FAM135B: variants seen among roughly 807,000 people sequenced by gnomAD.
The protein encoded by FAM135B is family with sequence similarity 135 member B, also known as protein FAM135B.
A neutral mutation model predicts 127.7 loss-of-function variants in FAM135B; 43 were observed. That is an observed-to-expected ratio of 0.34 (90% CI 0.26 to 0.43). The LOEUF (loss-of-function observed/expected upper bound fraction) is 0.43. FAM135B is among the 20% of genes least tolerant of loss of function. FAM135B has a pLI of 1.00. For missense variants in FAM135B, 1,558 were observed against 1,725.6 expected (o/e 0.90, Z 1.72); for synonymous variants, 670 against 665.1 (o/e 1.01, Z -0.11).
At chr8:138,410,372 C>T (rs979194538) in intron 1 of FAM135B, among the ~76,000 whole-genome samples, 2 of 152,150 alleles carry the variant, frequency 1.3e-5, no homozygotes, top group African/African-American at 4.8e-5. Context: ...TGGCTTCTAC[C>T]TTGCTTGATC....
At chr8:138,472,446 T>G (rs1466645847) in intron 1 of FAM135B, among the ~76,000 whole-genome samples, 2 of 152,150 alleles carry the variant, frequency 1.3e-5, no homozygotes, top group East Asian at 1.9e-4. Context: ...AGGGAGATTA[T>G]GTAGGGACAG....
intron 1 of FAM135B, among the ~76,000 whole-genome samples, chr8:138,410,061 G>A (rs1361886606): frequency 6.6e-6 from 1 of 152,062 alleles, no homozygotes. Flanking sequence ...TTATACTGCT[G>A]GTGAGAGTGA....
intron 1 of FAM135B, among the ~76,000 whole-genome samples, chr8:138,421,812 G>A (rs1469096515): frequency 6.6e-6 from 1 of 152,056 alleles, no homozygotes; most frequent in Non-Finnish European, 1.5e-5. Context: ...AACTGAAAGA[G>A]CCTGAATAGC....
chr8:138,382,749 C>T (rs940001068), intron 1 of FAM135B, among the ~76,000 whole-genome samples: 1 of 152,180 alleles, frequency 6.6e-6, no homozygotes, highest in African/African-American at 2.4e-5. Context: ...TGGCAATAGA[C>T]ACTCAATGAA....
intron 1 of FAM135B, chr8:138,459,290 C>A (rs1836987511): frequency 6.6e-6 from 1 of 152,030 alleles, no homozygotes; most frequent in African/African-American, 2.4e-5. Flanking sequence ...TTCACAATTG[C>A]CAAAATACTA....
intron 3 of FAM135B, among the ~76,000 whole-genome samples, chr8:138,292,636 A>G (rs1825196866): frequency 1.3e-5 from 2 of 152,116 alleles, no homozygotes; most frequent in Admixed American, 6.6e-5. Context: ...TAAAATTCAT[A>G]TTGAGTTCAT....
At chr8:138,319,578 A>G (rs780616679) in intron 2 of FAM135B, among the ~76,000 whole-genome samples, 1 of 152,230 alleles carries the variant, frequency 6.6e-6, no homozygotes, top group Non-Finnish European at 1.5e-5. Flanking sequence ...GGAAAACTTC[A>G]GGCAGTATGC....
chr8:138,420,405 CA>C (rs577141067), intron 1 of FAM135B, among the ~76,000 whole-genome samples: 57 of 152,058 alleles, frequency 3.7e-4, no homozygotes, highest in Admixed American at 1.5e-3. Context: ...GATTCACAGT[CA>C]AAATTTACCA....
intron 3 of FAM135B, among the ~76,000 whole-genome samples, chr8:138,286,060 A>T (rs1339246383): frequency 6.6e-6 from 1 of 152,250 alleles, no homozygotes; most frequent in Non-Finnish European, 1.5e-5. Context: ...ACAAAAACAT[A>T]AAACCCACAA....
intron 1 of FAM135B, among the ~76,000 whole-genome samples, chr8:138,484,889 T>C (rs1478553348): frequency 2.0e-5 from 3 of 152,200 alleles, no homozygotes; most frequent in Non-Finnish European, 2.9e-5. Flanking sequence ...CAAGAGTCCA[T>C]GGATAATCTT....
intron 1 of FAM135B, among the ~76,000 whole-genome samples, chr8:138,475,002 ATCAC>A (rs1159723932): frequency 6.6e-6 from 1 of 152,212 alleles, no homozygotes; most frequent in Non-Finnish European, 1.5e-5. Flanking sequence ...CATTCTCAGT[ATCAC>A]TCACTTTGGG....
At chr8:138,416,395 A>G (rs60796612) in intron 1 of FAM135B, among the ~76,000 whole-genome samples, 2,688 of 152,324 alleles carry the variant, frequency 0.018, 76 homozygotes, top group African/African-American at 0.06. Context: ...GTTGTTTTGC[A>G]CAATGTTTGG....
At chr8:138,318,982 T>A (rs1035774645) in intron 2 of FAM135B, among the ~76,000 whole-genome samples, 12 of 152,222 alleles carry the variant, frequency 7.9e-5, no homozygotes, top group Admixed American at 6.5e-5. Context: ...CCCCATAGGA[T>A]GTCTTTAATG....
intron 1 of FAM135B, among the ~76,000 whole-genome samples, chr8:138,385,165 T>A (rs1158883671): frequency 6.6e-6 from 1 of 152,192 alleles, no homozygotes; most frequent in Admixed American, 6.5e-5. Context: ...TGACAACTGC[T>A]CAGAGCTGCT....
intron 2 of FAM135B, among the ~76,000 whole-genome samples, chr8:138,341,451 TG>T (rs1829040831): frequency 6.6e-6 from 1 of 152,190 alleles, no homozygotes; most frequent in African/African-American, 2.4e-5. Flanking sequence ...TAGTGTTTAG[TG>T]GGTTCAGAGT....
chr8:138,322,553 T>G (rs1827520553), intron 2 of FAM135B, among the ~76,000 whole-genome samples: 1 of 152,198 alleles, frequency 6.6e-6, no homozygotes, highest in South Asian at 2.1e-4. Flanking sequence ...AATAATGCAA[T>G]CAGTGGCTTT....
intron 6 of FAM135B, among the ~76,000 whole-genome samples, chr8:138,245,200 CTCTT>C (rs1194140539): frequency 1.3e-5 from 2 of 152,206 alleles, no homozygotes; most frequent in African/African-American, 4.8e-5. Flanking sequence ...TTGCAAAAGA[CTCTT>C]TCTGTCGGAA....
chr8:138,245,483 T>C (rs1352335007), intron 6 of FAM135B, among the ~76,000 whole-genome samples: 2 of 152,126 alleles, frequency 1.3e-5, no homozygotes, highest in East Asian at 3.9e-4. Context: ...ATAAGGGGCT[T>C]TCCCCCATTT....
intron 3 of FAM135B, among the ~76,000 whole-genome samples, chr8:138,278,654 C>T (rs1222364307): frequency 1.4e-5 from 2 of 147,528 alleles, no homozygotes; most frequent in Non-Finnish European, 3.0e-5. Context: ...ACTTCCACCT[C>T]CCAGTTCAAG....
Sources: allele counts gnomAD v4.1 joint callset (sites outside exome capture counted in the v4.1 genomes callset), GRCh38; gene constraint gnomAD v4.1.1; transcripts MANE v1.5; gene names NCBI Gene and HGNC (gene_info 2026-07-23, HGNC 2026-07-21).